F13A1: variants seen among roughly 807,000 people sequenced by gnomAD.
The protein encoded by F13A1 is coagulation factor XIII A chain.
F13A1 carries 47 observed loss-of-function variants against 80.1 expected under a neutral mutation model. The observed-to-expected ratio is 0.59, with a 90% CI of 0.46 to 0.75. The LOEUF (loss-of-function observed/expected upper bound fraction) is 0.75, where lower values mean the gene tolerates loss of function less well. F13A1 is among the 30% of genes least tolerant of loss of function. F13A1 has a pLI of 0.00. For synonymous variants in F13A1, 349 were observed against 344.9 expected, an observed-to-expected ratio of 1.01 and a Z score of -0.13; for missense variants, 817 against 930.4, an observed-to-expected ratio of 0.88 and a Z score of 1.59.
At chr6:6,309,960 G>T (rs757524875) in intron 2 of F13A1, among the ~76,000 whole-genome samples, 2 of 152,162 alleles carry the variant, frequency 1.3e-5, no homozygotes, top group Non-Finnish European at 2.9e-5. Context: ...GCAAAGTAAG[G>T]CTGGAGACGG....
Position 6,318,645 on chromosome 6 carries a change from G to A in F13A1, c.20C>T (p.Thr7Ile), listed in dbSNP as rs749947217. Reference protein sequence around the residue: MSETSRTAFGGRRAVPP... With the variant: MSETSRIAFGGRRAVPP... ...AACTGCTCTTCTGCCTCCAAAGGCG[G>A]TCCTGGAAGTTTCTGACATTTTTGA... The change falls in exon 2 of 15, where the codon ACC becomes ATC. Residue 7 changes from threonine to isoleucine, a missense_variant. By Grantham distance (89) the Thr-to-Ile change is moderately conservative. Coordinates refer to ENST00000264870, the MANE Select transcript of F13A1 (RefSeq NM_000129.4). The A allele has an allele frequency of 3.7e-6, 6 of 1,610,594 alleles. No homozygotes were observed. The Admixed American group carries it at 8.4e-5, about 22-fold the overall frequency.
intron 3 of F13A1, among the ~76,000 whole-genome samples, chr6:6,289,751 T>A (rs1758198151): frequency 6.6e-6 from 1 of 152,128 alleles, no homozygotes; most frequent in Non-Finnish European, 1.5e-5. Context: ...CATCTAAACT[T>A]CTTATCAAGT....
intron 2 of F13A1, among the ~76,000 whole-genome samples, chr6:6,312,653 GGGT>G (rs1758621258): frequency 1.7e-4 from 2 of 11,804 alleles, no homozygotes; most frequent in South Asian, 1.7e-3. Context: ...ACTCCAGCCT[GGGT>G]GACAGAGCAA....
chr6:6,190,482 T>A (rs35065604), intron 10 of F13A1, among the ~76,000 whole-genome samples: 2 of 139,752 alleles, frequency 1.4e-5, no homozygotes, highest in African/African-American at 2.5e-5. Flanking sequence ...AATACCCTGC[T>A]GTGTAAGGTG....
At chr6:6,163,584 G>A (rs1161029340) in intron 13 of F13A1, among the ~76,000 whole-genome samples, 1 of 152,080 alleles carries the variant, frequency 6.6e-6, no homozygotes, top group Non-Finnish European at 1.5e-5. Context: ...AAGTGAGAAC[G>A]TGCAGTATTC....
At chr6:6,175,885 C>T (rs1331149352) in intron 11 of F13A1, among the ~76,000 whole-genome samples, 4 of 152,200 alleles carry the variant, frequency 2.6e-5, no homozygotes, top group African/African-American at 9.7e-5. Flanking sequence ...AAAAACATAG[C>T]TTTGTCTAAG....
At chr6:6,251,978 A>G (rs1032100325) in intron 4 of F13A1, among the ~76,000 whole-genome samples, 1 of 152,218 alleles carries the variant, frequency 6.6e-6, no homozygotes, top group Admixed American at 6.5e-5. Flanking sequence ...CTCCAAAAAA[A>G]AAATGCCACT....
At position 6,189,555 on chromosome 6, in the gene F13A1, A is replaced by G. The variant is rs1050886986; in HGVS notation, c.1305+6242T>C. On this transcript the variant is annotated intron_variant, in intron 10 of 14. Transcript: ENST00000264870. ...TTAAGAATGTTGAATATTGGCCCCC[A>G]CTCTCTTCTGGCTTGTAGAGTTTCT... Among the ~76,000 whole-genome samples the G allele has an allele frequency of 9.1e-5, 13 of 142,314 alleles. 1 individual carries two copies. The highest frequency in any genetic ancestry group is 1.9e-4 in the Non-Finnish European group (12 of 64,400). The allele number at this position is 142,314 out of a possible 152,430, so 93.4% of individuals were successfully genotyped here. A position where few individuals can be genotyped will look rare whatever the true frequency, so the allele number is the denominator to read the frequency against.
At chr6:6,212,303 T>C (rs1481472384) in intron 8 of F13A1, among the ~76,000 whole-genome samples, 1 of 152,202 alleles carries the variant, frequency 6.6e-6, no homozygotes, top group South Asian at 2.1e-4. Context: ...AAGAGAGCAG[T>C]GGTTCTCCCA....
intron 6 of F13A1, among the ~76,000 whole-genome samples, chr6:6,228,634 T>C (rs1451290772): frequency 6.8e-6 from 1 of 147,004 alleles, no homozygotes; most frequent in Non-Finnish European, 1.5e-5. Flanking sequence ...CTCTGGAGGC[T>C]GAGGCAGGAG....
intron 13 of F13A1, among the ~76,000 whole-genome samples, chr6:6,157,907 T>A (rs1317531621): frequency 5.9e-5 from 9 of 152,194 alleles, no homozygotes; most frequent in Admixed American, 5.9e-4. Context: ...ATTTTCATTC[T>A]AAAATGTGTA....
In F13A1 at chr6:6,194,552, A is replaced by T. The variant is rs1761256424; in HGVS notation, c.1305+1245T>A. 2.0e-5 allele frequency among the ~76,000 whole-genome samples: 3 copies of T among 152,006 alleles called. No individual in the cohort carries two copies. In the South Asian group the frequency reaches 6.2e-4, roughly 32 times the overall value. ...TTCCCAGGTCGCCCTTCCTTCCTAG[A>T]TGGTGTCTTGTGGTCTTTGCCATCC... On this transcript the variant is annotated intron_variant, in intron 10 of 14. Transcript: ENST00000264870.
chr6:6,151,948 A>G lies in F13A1; in HGVS notation c.1910T>C (p.Val637Ala). The change falls in exon 14 of 15, where the codon GTC becomes GCC. Residue 637 changes from valine (V) to alanine (A), a missense_variant and splice_region_variant. Physicochemically the swap from Val to Ala is moderately conservative, Grantham distance 64 (BLOSUM62 0). Coordinates refer to ENST00000264870, the MANE Select transcript of F13A1 (RefSeq NM_000129.4). ...AGAACCAACTACCTGAGTGCCACGG[A>G]CCTAAGAGAGAGAATGCAGGTCATT... The part of the protein sequence containing the change: ...VLTIPEIIIK[V>A]RGTQVVGSDM... 6.2e-7 allele frequency: 1 copy of G among 1,613,962 alleles called. No homozygotes were observed. The highest frequency in any genetic ancestry group is 1.1e-5 in the South Asian group (1 of 91,076).
chr6:6,163,540 A>G (rs372167987), intron 13 of F13A1, among the ~76,000 whole-genome samples: 1 of 152,056 alleles, frequency 6.6e-6, no homozygotes, highest in East Asian at 1.9e-4. Context: ...CCCTCTATAT[A>G]TCCACATGTT....
chr6:6,266,690 T>G lies in F13A1; in HGVS notation c.439A>C (p.Ile147Leu). The G allele has an allele frequency of 6.2e-7, 1 of 1,614,208 alleles. No individual in the cohort carries two copies. The change falls in exon 4 of 15, where the codon ATC becomes CTC. Residue 147 changes from isoleucine to leucine, a missense_variant. Physicochemically the swap from Ile to Leu is conservative, Grantham distance 5 (BLOSUM62 2). Coordinates refer to ENST00000264870, the MANE Select transcript of F13A1 (RefSeq NM_000129.4). ...ACAATACATTTGGGGGAAGACTGGA[T>G]GGACAGCCGCACAGACCTGTCCTCT... ...MREDRSVRLS[I>L]QSSPKCIVGK...
intron 14 of F13A1, among the ~76,000 whole-genome samples, chr6:6,151,223 G>T (rs946173574): frequency 6.6e-6 from 1 of 152,056 alleles, no homozygotes; most frequent in South Asian, 2.1e-4. Flanking sequence ...AGAACCTGGG[G>T]TTGTCTTTGG....
At chr6:6,285,000 A>C (rs1758116174) in intron 3 of F13A1, among the ~76,000 whole-genome samples, 1 of 152,200 alleles carries the variant, frequency 6.6e-6, no homozygotes, top group Non-Finnish European at 1.5e-5. Flanking sequence ...CTCTCACTCC[A>C]ACTACAGTAA....
chr6:6,157,007 G>C (rs1476909599), intron 13 of F13A1, among the ~76,000 whole-genome samples: 1 of 152,226 alleles, frequency 6.6e-6, no homozygotes, highest in Non-Finnish European at 1.5e-5. Flanking sequence ...GCACAGAGGA[G>C]TTAAGTAACT....
chr6:6,294,126 A>T (rs1265468959), intron 3 of F13A1, among the ~76,000 whole-genome samples: 1 of 152,176 alleles, frequency 6.6e-6, no homozygotes, highest in Non-Finnish European at 1.5e-5. Context: ...TTTTTTAAGT[A>T]TATAGTGAGT....
Sources: allele counts gnomAD v4.1 joint callset (sites outside exome capture counted in the v4.1 genomes callset), GRCh38; gene constraint gnomAD v4.1.1; transcripts MANE v1.5; gene names NCBI Gene and HGNC (gene_info 2026-07-23, HGNC 2026-07-21).